ADCK1: variants seen among roughly 807,000 people sequenced by gnomAD.
The protein encoded by ADCK1 is aarF domain-containing protein kinase 1.
ADCK1 carries 41 observed loss-of-function variants against 52.3 expected under a neutral mutation model. The ratio of observed to expected loss-of-function variants is 0.78; its 90% CI spans 0.61 to 1.02. The LOEUF is 1.02. ADCK1 is among the 50% of genes least tolerant of loss of function. The pLI, the probability that ADCK1 is intolerant of heterozygous loss-of-function variation, is 0.00. For synonymous variants in ADCK1, 250 were observed against 274.6 expected, an observed-to-expected ratio of 0.91 and a Z score of 0.89; for missense variants, 658 against 679.5, an observed-to-expected ratio of 0.97 and a Z score of 0.35.
At chr14:77,926,021 C>T in intron 9 of ADCK1, 60 bp downstream of exon 9, 4 of 1,591,528 alleles carry the variant, frequency 2.5e-6, no homozygotes, top group Non-Finnish European at 1.7e-6. Context: ...CTAGAGGTGG[C>T]CTGTGGACCC....
intron 4 of ADCK1, among the ~76,000 whole-genome samples, chr14:77,878,929 C>T (rs958880959): frequency 6.6e-6 from 1 of 151,964 alleles, no homozygotes; most frequent in African/African-American, 2.4e-5. Context: ...TCCCTTCCCC[C>T]CCCACGAATG....
chr14:77,852,936 A>G, intron 3 of ADCK1, among the ~76,000 whole-genome samples: 1 of 22,760 alleles, frequency 4.4e-5, no homozygotes, highest in South Asian at 1.4e-3. Flanking sequence ...TTTTTTAGAG[A>G]CAGGGTCTTG....
chr14:77,913,639 G>T (rs1484920968), intron 7 of ADCK1, among the ~76,000 whole-genome samples: 1 of 152,256 alleles, frequency 6.6e-6, no homozygotes, highest in Non-Finnish European at 1.5e-5. Flanking sequence ...TTGGATTTCA[G>T]TGAGTCTGTG....
intron 3 of ADCK1, among the ~76,000 whole-genome samples, chr14:77,825,947 G>A (rs2081693385): frequency 6.6e-6 from 1 of 152,170 alleles, no homozygotes; most frequent in Admixed American, 6.5e-5. Flanking sequence ...TCGGACACAG[G>A]GGCAAGGCCT....
chr14:77,842,450 TC>T (rs869092436), intron 3 of ADCK1, among the ~76,000 whole-genome samples: 6,256 of 96,200 alleles, frequency 0.065, 319 homozygotes, highest in African/African-American at 0.15. Context: ...TATTTTTTTT[TC>T]CTTCCTTCCT....
At chr14:77,925,659 C>G in intron 8 of ADCK1, 105 bp from the exon 9 acceptor site, 1 of 1,127,288 alleles carries the variant, frequency 8.9e-7, no homozygotes. Context: ...CGTGGGAAGG[C>G]ACAGTCCTCA....
intron 3 of ADCK1, among the ~76,000 whole-genome samples, chr14:77,832,123 G>A (rs538142626): frequency 3.9e-5 from 6 of 152,174 alleles, no homozygotes; most frequent in East Asian, 3.9e-4. Context: ...GACTACTGGC[G>A]CATGCCACCA....
intron 3 of ADCK1, among the ~76,000 whole-genome samples, chr14:77,854,236 G>A (rs571542793): frequency 7.9e-5 from 12 of 152,174 alleles, no homozygotes; most frequent in Non-Finnish European, 1.5e-4. Flanking sequence ...TGGTGGGAAA[G>A]TCAGGCTAAG....
chr14:77,931,735 C>T (rs1213465003), intron 10 of ADCK1, 24 bp downstream of exon 10: 1 of 1,592,732 alleles, frequency 6.3e-7, no homozygotes, highest in African/African-American at 1.3e-5. Context: ...CCTCCCTCTC[C>T]TCCCCTCCTA....
intron 3 of ADCK1, among the ~76,000 whole-genome samples, chr14:77,854,069 G>C (rs1174212661): frequency 6.6e-6 from 1 of 152,156 alleles, no homozygotes; most frequent in Non-Finnish European, 1.5e-5. Flanking sequence ...TATATATGCT[G>C]TCCAGTTTTT....
chr14:77,868,304 C>T (rs2082704720), intron 4 of ADCK1, among the ~76,000 whole-genome samples: 1 of 152,192 alleles, frequency 6.6e-6, no homozygotes, highest in Non-Finnish European at 1.5e-5. Flanking sequence ...ATTCCTGATC[C>T]AGTGCTCTTT....
chr14:77,850,648 CTTTT>C (rs58373247), intron 3 of ADCK1, among the ~76,000 whole-genome samples: 52 of 107,954 alleles, frequency 4.8e-4, no homozygotes, highest in Non-Finnish European at 5.5e-4. Flanking sequence ...CATGATATAT[CTTTT>C]TTTTTTTTTT....
intron 3 of ADCK1, among the ~76,000 whole-genome samples, chr14:77,856,195 G>A (rs937813299): frequency 2.0e-5 from 3 of 152,110 alleles, no homozygotes; most frequent in Non-Finnish European, 1.5e-5. Context: ...GGGCGACAGA[G>A]CAAGATTCTG....
intron 5 of ADCK1, among the ~76,000 whole-genome samples, chr14:77,895,865 A>G (rs549933771): frequency 1.3e-5 from 2 of 152,254 alleles, no homozygotes; most frequent in African/African-American, 4.8e-5. Flanking sequence ...GCGGGTATCA[A>G]GTTTTAAAAT....
intron 5 of ADCK1, among the ~76,000 whole-genome samples, chr14:77,898,316 T>G (rs1024769002): frequency 4.6e-5 from 7 of 152,138 alleles, no homozygotes; most frequent in African/African-American, 1.7e-4. Flanking sequence ...CCAGAGTTGT[T>G]GCAAGGATTA....
At chr14:77,851,557 C>T (rs574306415) in intron 3 of ADCK1, among the ~76,000 whole-genome samples, 1 of 152,192 alleles carries the variant, frequency 6.6e-6, no homozygotes, top group East Asian at 1.9e-4. Context: ...TTCCTGTTTC[C>T]TTTATCACGC....
At chr14:77,900,072 A>G (rs1373213208) in intron 6 of ADCK1, among the ~76,000 whole-genome samples, 1 of 93,422 alleles carries the variant, frequency 1.1e-5, no homozygotes, top group Non-Finnish European at 2.4e-5. Flanking sequence ...CTCCGTCTCA[A>G]AAAAAAAAAA....
At chr14:77,912,436 GT>G (rs1384078995) in intron 7 of ADCK1, among the ~76,000 whole-genome samples, 1 of 29,696 alleles carries the variant, frequency 3.4e-5, no homozygotes, top group African/African-American at 1.7e-4. Flanking sequence ...GGAGGAGCGT[GT>G]GTGTGTGTGT....
chr14:77,921,368 T>C (rs565769319), intron 7 of ADCK1, among the ~76,000 whole-genome samples: 1 of 118,908 alleles, frequency 8.4e-6, no homozygotes, highest in South Asian at 3.0e-4. Flanking sequence ...GTTAAGCTAC[T>C]GCATGAAAAA....
Sources: gnomAD v4.1 joint callset for allele counts (sites outside exome capture counted in the v4.1 genomes callset) on GRCh38, gnomAD v4.1.1 for gene constraint, MANE v1.5 for transcripts, NCBI Gene and HGNC (gene_info 2026-07-23, HGNC 2026-07-21) for gene names.